ADGRD1: variants seen among roughly 807,000 people sequenced by gnomAD.
ADGRD1 encodes adhesion G protein-coupled receptor D1.
ADGRD1 carries 77 observed loss-of-function variants against 113.4 expected under a neutral mutation model. The observed-to-expected ratio is 0.68, with a 90% confidence interval of 0.57 to 0.82. The LOEUF (loss-of-function observed/expected upper bound fraction) is 0.82. ADGRD1 is among the 40% of genes least tolerant of loss of function. The pLI is 0.00. For missense variants in ADGRD1, 1,036 were observed against 1,139.1 expected (o/e 0.91, Z 1.30); for synonymous variants, 474 against 475.0 (o/e 1.00, Z 0.03).
intron 5 of ADGRD1, among the ~76,000 whole-genome samples, chr12:130,986,512 G>A (rs1206303866): frequency 6.6e-6 from 1 of 152,148 alleles, no homozygotes; most frequent in Non-Finnish European, 1.5e-5. Context: ...CTGTAATCTT[G>A]CTATGCTCAC....
At chr12:130,970,463 G>A (rs1343606501) in intron 3 of ADGRD1, 2 of 152,210 alleles carry the variant, frequency 1.3e-5, no homozygotes, top group Non-Finnish European at 2.9e-5. Flanking sequence ...GAAAAACACT[G>A]AGGTCCCTTG....
intron 13 of ADGRD1, among the ~76,000 whole-genome samples, chr12:131,067,083 G>A (rs1002504403): frequency 2.6e-5 from 4 of 152,172 alleles, no homozygotes; most frequent in Admixed American, 2.6e-4. Flanking sequence ...TCTGCTATGG[G>A]GGGCTTGCTG....
At chr12:130,994,745 CTT>C (rs1875002905) in intron 8 of ADGRD1, among the ~76,000 whole-genome samples, 2 of 152,334 alleles carry the variant, frequency 1.3e-5, no homozygotes, top group South Asian at 4.1e-4. Flanking sequence ...TCACTGATGA[CTT>C]TATTAATTAA....
intron 2 of ADGRD1, among the ~76,000 whole-genome samples, chr12:130,960,530 G>T (rs1282732809): frequency 6.6e-6 from 1 of 151,910 alleles, no homozygotes; most frequent in Non-Finnish European, 1.5e-5. Flanking sequence ...GAATTATACA[G>T]ATAATTATAT....
chr12:130,979,973 A>G (rs112483487), intron 4 of ADGRD1, among the ~76,000 whole-genome samples: 13,670 of 152,172 alleles, frequency 0.09, 1,079 homozygotes, highest in African/African-American at 0.21. Flanking sequence ...CCCAAGCTCC[A>G]CAGAGCCTCC....
At chr12:131,037,199 C>A (rs1881568295) in intron 13 of ADGRD1, among the ~76,000 whole-genome samples, 1 of 144,642 alleles carries the variant, frequency 6.9e-6, no homozygotes, top group Non-Finnish European at 1.5e-5. Context: ...GGGCCTCACT[C>A]ACTACACCAG....
At chr12:131,111,668 G>C (rs1299023639) in intron 18 of ADGRD1, among the ~76,000 whole-genome samples, 1 of 151,118 alleles carries the variant, frequency 6.6e-6, no homozygotes, top group East Asian at 1.9e-4. Flanking sequence ...CTCTCTTCAA[G>C]TTCACTGATT....
chr12:131,027,127 A>G lies in ADGRD1; in HGVS notation c.1473+12787A>G, dbSNP rs888258788. On this transcript the variant is annotated intron_variant, in intron 13 of 24. Transcript: ENST00000261654. The surrounding 1 kb of genome is among the most constrained non-coding windows in gnomAD (Gnocchi z 5.1). ...ATGAAGCAAGGTTCATTTTCTTCCC[A>G]TGGTCATTCCTTGGTGCACTGTAGA... 4 of 152,174 alleles carry G rather than the reference A, an allele frequency of 2.6e-5. No homozygotes were observed. Among genetic ancestry groups the G allele is most frequent in the African/African-American group, 9.7e-5 (4 of 41,434 alleles). 9.4% of individuals were successfully genotyped at this position (152,174 alleles called of 1,614,324 possible).
At chr12:131,070,688 C>T (rs575113513) in intron 13 of ADGRD1, 213 of 396,984 alleles carry the variant, frequency 5.4e-4, no homozygotes, top group African/African-American at 3.1e-3. Context: ...CTGGTTGCCA[C>T]GGAGATGAGG....
chr12:131,058,991 G>A (rs1178462548), intron 13 of ADGRD1, among the ~76,000 whole-genome samples: 1 of 152,168 alleles, frequency 6.6e-6, no homozygotes, highest in Admixed American at 6.5e-5. Context: ...CAGTGACACG[G>A]ATATTATATC....
intron 15 of ADGRD1, among the ~76,000 whole-genome samples, chr12:131,086,438 C>T (rs922673709): frequency 3.9e-5 from 6 of 152,206 alleles, no homozygotes; most frequent in African/African-American, 1.4e-4. Context: ...GGATCCAGCG[C>T]TCAGCCCAGG....
chr12:131,070,871 G>C (rs761435001), intron 13 of ADGRD1: 1 of 519,054 alleles, frequency 1.9e-6, no homozygotes, highest in Non-Finnish European at 3.8e-6. Flanking sequence ...GTGTCTGCAC[G>C]GGACGTCCTG....
At chr12:131,103,853 T>C (rs1950157452) in intron 15 of ADGRD1, among the ~76,000 whole-genome samples, 5 of 152,082 alleles carry the variant, frequency 3.3e-5, no homozygotes, top group Admixed American at 3.3e-4. Context: ...ACAAGAGCCA[T>C]GGGCCACAGG....
chr12:131,004,392 G>GCTACAGCGCTCCCCCGGGCCGC lies in ADGRD1; in HGVS notation c.1255+98_1255+99insACAGCGCTCCCCCGGGCCGCCT, dbSNP rs1555243416. On this transcript the variant is annotated intron_variant, in intron 11 of 24. Transcript: ENST00000261654. ...TGCTGGGTGCCCACCGCGCCAGGGA[G>GCTACAGCGCTCCCCCGGGCCGC]CTGCGGTGCTCCCCCGGGCCGCCTG... 3.8e-6 allele frequency: 3 copies of GCTACAGCGCTCCCCCGGGCCGC among 790,718 alleles called. No homozygotes were observed. In the Admixed American group the frequency reaches 6.3e-5, roughly 17 times the overall value. 49.0% of individuals were successfully genotyped at this position (790,718 alleles called of 1,614,324 possible). A position where few individuals can be genotyped will look rare whatever the true frequency, so the allele number is the denominator to read the frequency against.
At chr12:131,103,999 G>A (rs1403029018) in intron 15 of ADGRD1, among the ~76,000 whole-genome samples, 2 of 152,228 alleles carry the variant, frequency 1.3e-5, no homozygotes, top group Non-Finnish European at 2.9e-5. Flanking sequence ...CAGAACCGAG[G>A]GGGCGCCGTC....
chr12:131,044,002 C>G (rs1262855809), intron 13 of ADGRD1, among the ~76,000 whole-genome samples: 4 of 152,144 alleles, frequency 2.6e-5, no homozygotes, highest in Admixed American at 2.6e-4. Context: ...CTGGTTCTAC[C>G]AGGCGTCAAG....
chr12:131,134,305 T>G (rs1287056419), intron 21 of ADGRD1, among the ~76,000 whole-genome samples: 2 of 152,152 alleles, frequency 1.3e-5, no homozygotes, highest in Non-Finnish European at 1.5e-5. Flanking sequence ...AGAGCCTCCT[T>G]CAGATCCAGG....
intron 8 of ADGRD1, among the ~76,000 whole-genome samples, chr12:130,999,269 A>C (rs1876022684): frequency 6.6e-6 from 1 of 152,230 alleles, no homozygotes; most frequent in Non-Finnish European, 1.5e-5. Context: ...CTGCTTTTGC[A>C]CTGCCATGGC....
At chr12:131,034,300 C>G (rs886969372) in intron 13 of ADGRD1, among the ~76,000 whole-genome samples, 5 of 152,242 alleles carry the variant, frequency 3.3e-5, no homozygotes, top group African/African-American at 1.2e-4. Context: ...CCTTTGCACG[C>G]CTGTCCTTTT....
Sources: gnomAD v4.1 joint callset for allele counts (sites outside exome capture counted in the v4.1 genomes callset) on GRCh38, gnomAD v4.1.1 for gene constraint, Gnocchi (gnomAD v3.1) non-coding constraint, MANE v1.5 for transcripts, NCBI Gene and HGNC (gene_info 2026-07-23, HGNC 2026-07-21) for gene names.